The following MALT1 variants were observed in gnomAD, a reference collection of about 807,000 sequenced individuals.
MALT1 encodes the protein mucosa-associated lymphoid tissue lymphoma translocation protein 1.
A neutral mutation model predicts 85.5 loss-of-function variants in MALT1; 36 were observed. The ratio of observed to expected loss-of-function variants is 0.42; its 90% CI spans 0.32 to 0.56. MALT1 has a LOEUF of 0.56. Ranked by LOEUF, MALT1 falls within the 20% of genes least tolerant of loss-of-function variation. The pLI is 0.10. For missense variants in MALT1, 716 were observed against 981.6 expected, an observed-to-expected ratio of 0.73 and a Z score of 3.62; for synonymous variants, 359 against 361.3, an observed-to-expected ratio of 0.99 and a Z score of 0.07.
Position 58,733,555 on chromosome 18 carries a change from T to C in MALT1, c.1381T>C (p.Leu461=), listed in dbSNP as rs766327654. The change falls in exon 11 of 17, where the codon TTG becomes CTG. Residue 461 remains leucine, a synonymous_variant. Coordinates refer to ENST00000649217, the MANE Select transcript of MALT1 (RefSeq NM_006785.4). The stretch of plus-strand genomic sequence containing the variant: ...AGAAACTGGACTTAATGTGTTCTTA[T>C]TGGATATGTGTAGGAAAAGGTAAGT... ...EKETGLNVFL[L]DMCRKRNDYD... 6.9e-6 allele frequency: 11 copies of C among 1,604,826 alleles called. No individual in the cohort carries two copies. Among genetic ancestry groups the C allele is most frequent in the African/African-American group, 4.0e-5 (3 of 74,530 alleles).
intron 12 of MALT1, among the ~76,000 whole-genome samples, chr18:58,734,799 G>A (rs958474663): frequency 7.2e-5 from 11 of 152,202 alleles, no homozygotes; most frequent in Non-Finnish European, 1.3e-4. Flanking sequence ...GTGAGAGGCA[G>A]AAGAGAAAAT....
rs766242600 is a variant in MALT1 at position 58,747,826 on chromosome 18, G to C, written c.2459G>C (p.Arg820Thr). 6.2e-7 allele frequency: 1 copy of C among 1,611,664 alleles called. No individual in the cohort carries two copies. The highest frequency in any genetic ancestry group is 1.3e-5 in the African/African-American group (1 of 74,830). Residue 820 changes from arginine to threonine, a missense_variant, in exon 17 of 17, where the codon AGA becomes ACA. Physicochemically the swap from Arg to Thr is moderately conservative, Grantham distance 71. Around this residue, in one of 4 missense-constraint regions of MALT1, gnomAD observed 260 missense variants for 323.7 expected, o/e 0.80. Coordinates refer to ENST00000649217, the MANE Select transcript of MALT1 (RefSeq NM_006785.4). ...EIPFSFSDRL[R>T]ISEK Reference sequence around the variant, plus strand: ...CCATTTAGTTTCTCTGACAGGCTCAGAATTTCTGAAAAATGACCTCCTTGT... The same window carrying C: ...CCATTTAGTTTCTCTGACAGGCTCACAATTTCTGAAAAATGACCTCCTTGT...
chr18:58,673,041 T>G (rs557390478), intron 1 of MALT1, among the ~76,000 whole-genome samples: 1 of 152,346 alleles, frequency 6.6e-6, no homozygotes, highest in African/African-American at 2.4e-5. Flanking sequence ...TTAGCAGTTT[T>G]TTGAACTTCT....
At chr18:58,684,216 G>A (rs12962126) in intron 2 of MALT1, among the ~76,000 whole-genome samples, 35,008 of 152,118 alleles carry the variant, frequency 0.23, 4,111 homozygotes, top group Middle Eastern at 0.33. Context: ...TTACAGGCGG[G>A]AGCCACCGCC....
intron 2 of MALT1, among the ~76,000 whole-genome samples, chr18:58,692,592 C>T (rs909256222): frequency 1.3e-5 from 2 of 151,974 alleles, no homozygotes; most frequent in Non-Finnish European, 2.9e-5. Flanking sequence ...AGTGAAAGAA[C>T]AGTGACACAC....
At chr18:58,713,211 C>T (rs1480687460) in intron 7 of MALT1, among the ~76,000 whole-genome samples, 1 of 151,952 alleles carries the variant, frequency 6.6e-6, no homozygotes, top group East Asian at 1.9e-4. Flanking sequence ...TAGTATATAA[C>T]ATTTGTAATT....
chr18:58,701,397 C>T (rs1457067099), intron 4 of MALT1, among the ~76,000 whole-genome samples: 1 of 152,234 alleles, frequency 6.6e-6, no homozygotes, highest in Non-Finnish European at 1.5e-5. Flanking sequence ...ACTTTTATGA[C>T]TCTTTCAAGC....
chr18:58,717,192 G>A (rs557607769), intron 9 of MALT1, among the ~76,000 whole-genome samples: 3 of 152,062 alleles, frequency 2.0e-5, no homozygotes, highest in South Asian at 2.1e-4. Context: ...GAGAAACCCC[G>A]TCTCTACTAA....
intron 7 of MALT1, among the ~76,000 whole-genome samples, chr18:58,712,379 A>G (rs2144395087): frequency 6.6e-6 from 1 of 152,336 alleles, no homozygotes; most frequent in South Asian, 2.1e-4. Flanking sequence ...GCCATAAAAA[A>G]GGAATGAAAT....
chr18:58,695,775 G>A (rs576724224), intron 2 of MALT1, among the ~76,000 whole-genome samples: 8 of 152,296 alleles, frequency 5.3e-5, no homozygotes, highest in Non-Finnish European at 1.2e-4. Context: ...TTATTACAGC[G>A]GCATTAATTC....
intron 3 of MALT1, among the ~76,000 whole-genome samples, chr18:58,697,646 T>A (rs2054609786): frequency 6.6e-6 from 1 of 152,352 alleles, no homozygotes; most frequent in South Asian, 2.1e-4. Context: ...CCCTACTACA[T>A]TAAGTATATC....
chr18:58,703,875 C>CAT (rs2054709093), intron 4 of MALT1, among the ~76,000 whole-genome samples: 1 of 152,160 alleles, frequency 6.6e-6, no homozygotes, highest in Non-Finnish European at 1.5e-5. Flanking sequence ...TGAGTTTTAA[C>CAT]ATATATATAA....
intron 9 of MALT1, among the ~76,000 whole-genome samples, 158 bp downstream of exon 9, chr18:58,716,125 G>GAGGTTTAAAA (rs2054896413): frequency 6.6e-6 from 1 of 152,202 alleles, no homozygotes; most frequent in South Asian, 2.1e-4. Context: ...TTTAGAAGAG[G>GAGGTTTAAAA]AGGCTTAAAA....
chr18:58,742,004 C>G lies in MALT1; in HGVS notation c.1743C>G (p.Ala581=). 1 of 1,527,628 alleles carries G rather than the reference C, an allele frequency of 6.5e-7. No homozygotes were observed. The highest frequency in any genetic ancestry group is 1.3e-5 in the South Asian group (1 of 78,704). 94.6% of individuals were successfully genotyped at this position (1,527,628 alleles called of 1,614,324 possible). The change falls in exon 14 of 17, where the codon GCC becomes GCG. Residue 581 remains alanine, a synonymous_variant. Transcript: ENST00000649217. ...CTCTTGTGCGGAATCTACAGTGGGC[C>G]AAGGCTCATGGTACGGTAAAGCCCA... ...AESLVRNLQW[A]KAHELPESMC... is the part of the protein sequence containing the mutation.
chr18:58,709,664 T>A, intron 5 of MALT1, 108 bp downstream of exon 5: 1 of 953,114 alleles, frequency 1.0e-6, no homozygotes, highest in Non-Finnish European at 1.5e-6. Context: ...GATGTTTTAA[T>A]GTTTTCAGTA....
At chr18:58,727,588 T>G (rs1263173091) in intron 10 of MALT1, among the ~76,000 whole-genome samples, 1 of 150,234 alleles carries the variant, frequency 6.7e-6, no homozygotes, top group African/African-American at 2.5e-5. Flanking sequence ...CGTGAGCCAC[T>G]GCACCCAGCC....
Position 58,733,369 on chromosome 18 carries a change from A to C in MALT1, c.1223-28A>C, listed in dbSNP as rs376716524. 62 of 1,467,912 alleles carry C rather than the reference A, an allele frequency of 4.2e-5. 1 individual carries two copies. In the African/African-American group the frequency reaches 6.2e-4, roughly 15 times the overall value. The allele number at this position is 1,467,912 out of a possible 1,614,324, so 90.9% of individuals were successfully genotyped here. On this transcript the variant is annotated intron_variant, in intron 10 of 16. Coordinates refer to ENST00000649217, the MANE Select transcript of MALT1 (RefSeq NM_006785.4). Reference sequence around the variant, plus strand: ...CAGAGTGCATTTAGAATTGACATCTATCTCTCTCTTATTTTTCCTCTTTTC... The same window carrying C: ...CAGAGTGCATTTAGAATTGACATCTCTCTCTCTCTTATTTTTCCTCTTTTC...
chr18:58,737,624 G>A (rs1030469924), intron 13 of MALT1, among the ~76,000 whole-genome samples: 9 of 151,918 alleles, frequency 5.9e-5, no homozygotes, highest in East Asian at 1.9e-4. Flanking sequence ...TCTCTGTCGC[G>A]CAGGCTAGAG....
intron 13 of MALT1, among the ~76,000 whole-genome samples, chr18:58,741,059 T>G (rs1475565343): frequency 6.6e-6 from 1 of 152,138 alleles, no homozygotes; most frequent in Non-Finnish European, 1.5e-5. Context: ...AATATGCTAT[T>G]TTTTACACTT....
Sources: gnomAD v4.1 joint callset for allele counts (sites outside exome capture counted in the v4.1 genomes callset) on GRCh38, gnomAD v4.1.1 for gene constraint, gnomAD v4.1.1 regional missense constraint, MANE v1.5 for transcripts, NCBI Gene and HGNC (gene_info 2026-07-23, HGNC 2026-07-21) for gene names.